The following NUBPL variants were observed in gnomAD, a reference collection of about 807,000 sequenced individuals.
The protein encoded by NUBPL is iron-sulfur cluster transfer protein NUBPL.
Under a neutral mutation model 45.7 loss-of-function variants are expected in NUBPL, and 31 were observed. The ratio of observed to expected loss-of-function variants is 0.68; its 90% CI spans 0.51 to 0.92. NUBPL has a LOEUF of 0.92. NUBPL is among the 40% of genes least tolerant of loss of function. The probability of loss-of-function intolerance (pLI) is 0.00; values close to 1 mark genes in which losing one functional copy is unlikely to be tolerated. For missense variants in NUBPL, 401 were observed against 398.7 expected (o/e 1.01, Z -0.05); for synonymous variants, 144 against 140.9 (o/e 1.02, Z -0.15).
intron 7 of NUBPL, among the ~76,000 whole-genome samples, chr14:31,805,143 C>G (rs973264389): frequency 6.6e-6 from 1 of 152,062 alleles, no homozygotes; most frequent in African/African-American, 2.4e-5. Context: ...TGCATGCAGC[C>G]AACAAGCATA....
intron 6 of NUBPL, among the ~76,000 whole-genome samples, chr14:31,775,068 C>T (rs2039075374): frequency 6.6e-6 from 1 of 152,138 alleles, no homozygotes; most frequent in Admixed American, 6.5e-5. Flanking sequence ...ATGAAGAAAA[C>T]AACTATCTCA....
chr14:31,674,506 T>TA (rs1224904669), intron 6 of NUBPL, among the ~76,000 whole-genome samples: 1 of 152,154 alleles, frequency 6.6e-6, no homozygotes, highest in Non-Finnish European at 1.5e-5. Flanking sequence ...TTTTCTCCTC[T>TA]TTTACTGTCA....
At chr14:31,699,545 C>T (rs986131426) in intron 6 of NUBPL, among the ~76,000 whole-genome samples, 1 of 152,156 alleles carries the variant, frequency 6.6e-6, no homozygotes, top group African/African-American at 2.4e-5. Flanking sequence ...TCTCTTGGCT[C>T]AGCTTTTAAC....
intron 4 of NUBPL, among the ~76,000 whole-genome samples, chr14:31,630,383 G>C (rs889029279): frequency 6.6e-6 from 1 of 152,072 alleles, no homozygotes; most frequent in Admixed American, 6.6e-5. Flanking sequence ...TTCTTTATTC[G>C]AATGTGATTT....
chr14:31,677,419 A>G (rs2036726601), intron 6 of NUBPL, among the ~76,000 whole-genome samples: 1 of 152,142 alleles, frequency 6.6e-6, no homozygotes, highest in South Asian at 2.1e-4. Flanking sequence ...GGTACCACAG[A>G]TAAGTGAGAA....
At chr14:31,801,905 C>G (rs568492700) in intron 7 of NUBPL, among the ~76,000 whole-genome samples, 1 of 152,158 alleles carries the variant, frequency 6.6e-6, no homozygotes, top group Non-Finnish European at 1.5e-5. Context: ...AGAGAAGCCA[C>G]TGTGTATGAC....
At chr14:31,647,655 A>G (rs910683993) in intron 4 of NUBPL, among the ~76,000 whole-genome samples, 2 of 152,182 alleles carry the variant, frequency 1.3e-5, no homozygotes, top group African/African-American at 4.8e-5. Context: ...TTCCAGGGCT[A>G]GGGATGGTGG....
intron 6 of NUBPL, among the ~76,000 whole-genome samples, chr14:31,782,651 A>G (rs760903981): frequency 2.5e-4 from 38 of 151,648 alleles, no homozygotes; most frequent in Non-Finnish European, 7.4e-5. Flanking sequence ...ACATTAGCCA[A>G]TTGTGATGGC....
intron 3 of NUBPL, among the ~76,000 whole-genome samples, chr14:31,565,582 C>T (rs969608235): frequency 6.6e-6 from 1 of 152,018 alleles, no homozygotes; most frequent in Non-Finnish European, 1.5e-5. Flanking sequence ...TACATCTTTC[C>T]ATGATGTGCC....
At chr14:31,823,669 A>G (rs1414871871) in intron 7 of NUBPL, among the ~76,000 whole-genome samples, 2 of 152,150 alleles carry the variant, frequency 1.3e-5, no homozygotes, top group African/African-American at 4.8e-5. Flanking sequence ...GTCCTTGGAA[A>G]CTATCTAGTG....
intron 6 of NUBPL, among the ~76,000 whole-genome samples, chr14:31,674,636 A>G (rs2036649736): frequency 6.6e-6 from 1 of 152,172 alleles, no homozygotes; most frequent in African/African-American, 2.4e-5. Flanking sequence ...GTACTTCTAA[A>G]TACTATCAGA....
Position 31,762,311 on chromosome 14 carries a change from TA to T in NUBPL, c.514-25468del, listed in dbSNP as rs559411883. On this transcript the variant is annotated intron_variant, in intron 6 of 10. Transcript: ENST00000281081. ...AACTAGAATAGCTTTTAACATGTGA[TA>T]GCACCTATAAAATTGATTAGGAAAG... Among the ~76,000 whole-genome samples, 298 of 152,340 alleles carry T rather than the reference TA, an allele frequency of 2.0e-3. 2 individuals carry two copies. The highest frequency in any genetic ancestry group is 0.014 in the Admixed American group (210 of 15,298).
chr14:31,801,108 G>T (rs1180632029), intron 7 of NUBPL: 1 of 152,338 alleles, frequency 6.6e-6, no homozygotes, highest in East Asian at 1.9e-4. Flanking sequence ...CATGGAAAAG[G>T]GGCTGCCTGA....
chr14:31,691,602 C>T lies in NUBPL; in HGVS notation c.513+18028C>T, dbSNP rs572627528. Reference sequence around the variant, plus strand: ...AATAGTCAGGTTGGGAGAAGGCAGACATAATGATGCAGTGGAGCTGAATTG... The same window carrying T: ...AATAGTCAGGTTGGGAGAAGGCAGATATAATGATGCAGTGGAGCTGAATTG... On this transcript the variant is annotated intron_variant, in intron 6 of 10. Coordinates refer to ENST00000281081, the MANE Select transcript of NUBPL (RefSeq NM_025152.3). 2.6e-5 allele frequency among the ~76,000 whole-genome samples: 4 copies of T among 152,266 alleles called. No individual in the cohort carries two copies. In the East Asian group the frequency reaches 7.7e-4, roughly 29 times the overall value.
chr14:31,839,475 A>G (rs2040335089), intron 8 of NUBPL, among the ~76,000 whole-genome samples: 1 of 152,234 alleles, frequency 6.6e-6, no homozygotes, highest in African/African-American at 2.4e-5. Flanking sequence ...AAAATGAAGT[A>G]AAGACTTACA....
chr14:31,641,744 A>G (rs2035706896), intron 4 of NUBPL, among the ~76,000 whole-genome samples: 1 of 152,200 alleles, frequency 6.6e-6, no homozygotes, highest in East Asian at 1.9e-4. Flanking sequence ...TAGTTTTTTA[A>G]GGAAGCTCCA....
At chr14:31,802,052 CATT>C (rs959715343) in intron 7 of NUBPL, among the ~76,000 whole-genome samples, 1 of 152,156 alleles carries the variant, frequency 6.6e-6, no homozygotes, top group African/African-American at 2.4e-5. Flanking sequence ...GCTAATGTAA[CATT>C]ATTAATAGGT....
chr14:31,695,069 A>G (rs1352699050), intron 6 of NUBPL, among the ~76,000 whole-genome samples: 3 of 152,244 alleles, frequency 2.0e-5, no homozygotes, highest in Admixed American at 6.5e-5. Flanking sequence ...TGAGTGTTAC[A>G]TAGTGTTGAC....
At position 31,742,866 on chromosome 14, in the gene NUBPL, C is replaced by T. The variant is rs537649349; in HGVS notation, c.514-44914C>T. Among the ~76,000 whole-genome samples, 58 of 152,102 alleles carry T rather than the reference C, an allele frequency of 3.8e-4. 1 individual carries two copies. The Middle Eastern group carries it at 0.01, about 27-fold the overall frequency. On this transcript the variant is annotated intron_variant, in intron 6 of 10. Transcript: ENST00000281081. ...AAGTAATATGCCTGCCTCAGCCTCC[C>T]GAAGTGCTGGGATTACAGGCGTGAG...
Sources: allele counts gnomAD v4.1 joint callset (sites outside exome capture counted in the v4.1 genomes callset), GRCh38; gene constraint gnomAD v4.1.1; transcripts MANE v1.5; gene names NCBI Gene and HGNC (gene_info 2026-07-23, HGNC 2026-07-21).